TDRD9: variants seen among roughly 807,000 people sequenced by gnomAD.
TDRD9 encodes ATP-dependent RNA helicase TDRD9.
Under a neutral mutation model 172.6 loss-of-function variants are expected in TDRD9, and 124 were observed. The ratio of observed to expected loss-of-function variants is 0.72; its 90% CI spans 0.62 to 0.83. The LOEUF is 0.83. TDRD9 is among the 40% of genes least tolerant of loss of function. TDRD9 has a pLI of 0.00. For synonymous variants in TDRD9, 619 were observed against 617.1 expected (o/e 1.00, Z -0.05); for missense variants, 1,479 against 1,714.1 (o/e 0.86, Z 2.42).
chr14:104,049,772 C>G, intron 35 of TDRD9, 92 bp downstream of exon 35: 1 of 1,139,240 alleles, frequency 8.8e-7, no homozygotes. Flanking sequence ...CAGGGCTGGC[C>G]GAGGGTCTGA....
intron 34 of TDRD9, among the ~76,000 whole-genome samples, chr14:104,046,359 A>G (rs2035776335): frequency 6.6e-6 from 1 of 152,100 alleles, no homozygotes; most frequent in African/African-American, 2.4e-5. Flanking sequence ...GTAATTTTTT[A>G]TGTTTAGGTT....
intron 3 of TDRD9, among the ~76,000 whole-genome samples, chr14:103,965,063 T>C (rs1308655023): frequency 6.6e-6 from 1 of 151,834 alleles, no homozygotes. Flanking sequence ...AATACAAAAA[T>C]TAGCTGGGTG....
chr14:103,936,321 GGCTC>G (rs1168399467), intron 1 of TDRD9, among the ~76,000 whole-genome samples: 1 of 152,112 alleles, frequency 6.6e-6, no homozygotes, highest in Non-Finnish European at 1.5e-5. Context: ...CAAATTCCTG[GGCTC>G]AAGTGATCTT....
chr14:104,016,892 G>A (rs189741975), intron 22 of TDRD9, among the ~76,000 whole-genome samples: 2 of 152,272 alleles, frequency 1.3e-5, no homozygotes, highest in East Asian at 3.9e-4. Flanking sequence ...GAAATAAATA[G>A]CTCATAAGGA....
intron 23 of TDRD9, among the ~76,000 whole-genome samples, chr14:104,019,159 G>A (rs1034202866): frequency 6.6e-6 from 1 of 152,224 alleles, no homozygotes; most frequent in Non-Finnish European, 1.5e-5. Flanking sequence ...GAATCACACA[G>A]CTAAACTCAT....
At chr14:103,947,003 C>T (rs1465788464) in intron 1 of TDRD9, among the ~76,000 whole-genome samples, 1 of 150,630 alleles carries the variant, frequency 6.6e-6, no homozygotes, top group Non-Finnish European at 1.5e-5. Context: ...TGCCAAAATC[C>T]TAATGACTTT....
intron 32 of TDRD9, 33 bp downstream of exon 32, chr14:104,035,089 A>C (rs1253352224): frequency 2.6e-6 from 4 of 1,525,952 alleles, no homozygotes; most frequent in Non-Finnish European, 3.6e-6. Flanking sequence ...TAGGCTTTGT[A>C]AAATAAGAAC....
chr14:103,973,732 C>T (rs1302916797), intron 6 of TDRD9, among the ~76,000 whole-genome samples: 1 of 152,178 alleles, frequency 6.6e-6, no homozygotes, highest in African/African-American at 2.4e-5. Context: ...GGGTGTGTCC[C>T]TTAGGAGCCT....
In TDRD9 at chr14:104,033,962, G is replaced by A. The variant is rs1046782858; in HGVS notation, c.3512G>A (p.Cys1171Tyr). 6.5e-7 allele frequency: 1 copy of A among 1,546,374 alleles called. No homozygotes were observed. The highest frequency in any genetic ancestry group is 1.4e-5 in the African/African-American group (1 of 73,052). ...HSLTRISKFRCVWIEKESINS... is the reference protein window; with the variant it reads ...HSLTRISKFRYVWIEKESINS... ...CTCCTGGTGCTCCTGCCTTTTAGGTGTGTTTGGATTGAGAAGGAGAGCATC... is the reference window on the plus strand; with the variant it reads ...CTCCTGGTGCTCCTGCCTTTTAGGTATGTTTGGATTGAGAAGGAGAGCATC... The change falls in exon 31 of 36, where the codon TGT (cysteine) becomes TAT (tyrosine). Residue 1171 changes from cysteine (C) to tyrosine (Y), a missense_variant and splice_region_variant. By Grantham distance (194) the Cys-to-Tyr change is radical (BLOSUM62 -2). Transcript: ENST00000409874.
chr14:104,010,682 T>A (rs1378900310), intron 20 of TDRD9, among the ~76,000 whole-genome samples: 4 of 152,032 alleles, frequency 2.6e-5, no homozygotes. Context: ...CATAAGCCAG[T>A]AACATAGTTA....
At chr14:103,959,454 T>TTG (rs1566740472) in intron 2 of TDRD9, among the ~76,000 whole-genome samples, 1 of 63,002 alleles carries the variant, frequency 1.6e-5, no homozygotes, top group Non-Finnish European at 3.4e-5. Flanking sequence ...GGTCAGGTTA[T>TTG]CGTGTGTGTG....
At chr14:103,953,098 C>T (rs1595908902) in intron 1 of TDRD9, among the ~76,000 whole-genome samples, 1 of 152,142 alleles carries the variant, frequency 6.6e-6, no homozygotes, top group Admixed American at 6.5e-5. Context: ...TCCCCTTCAC[C>T]TGGTCAGAGC....
At chr14:103,951,242 A>G (rs937771948) in intron 1 of TDRD9, among the ~76,000 whole-genome samples, 7 of 152,198 alleles carry the variant, frequency 4.6e-5, no homozygotes. Flanking sequence ...ATTGTTTACT[A>G]CTAGTAAAAA....
chr14:103,978,812 C>A (rs952903566), intron 7 of TDRD9, among the ~76,000 whole-genome samples: 3 of 152,214 alleles, frequency 2.0e-5, no homozygotes, highest in Admixed American at 6.5e-5. Context: ...TAAATTCACA[C>A]ATAATAATTC....
intron 20 of TDRD9, among the ~76,000 whole-genome samples, chr14:104,014,163 A>C (rs2034705018): frequency 6.6e-6 from 1 of 150,788 alleles, no homozygotes. Flanking sequence ...TCGGAGGCAG[A>C]GCTTGCAGTG....
intron 20 of TDRD9, chr14:104,013,836 G>C (rs2034691477): frequency 6.6e-6 from 1 of 152,252 alleles, no homozygotes; most frequent in Non-Finnish European, 1.5e-5. Context: ...CAGCCAAGTT[G>C]GAGCAGGTCA....
chr14:103,956,071 C>T (rs1308561437), intron 2 of TDRD9, among the ~76,000 whole-genome samples: 2 of 97,616 alleles, frequency 2.0e-5, no homozygotes, highest in African/African-American at 9.0e-5. Context: ...ATACGGAGAC[C>T]CTCTCTTTAA....
intron 1 of TDRD9, chr14:103,941,353 G>T: frequency 7.2e-7 from 1 of 1,392,642 alleles, no homozygotes; most frequent in South Asian, 1.3e-5. Context: ...GAGGAACTTG[G>T]ACTTAGCAGT....
chr14:103,950,977 C>T (rs1363436021), intron 1 of TDRD9, among the ~76,000 whole-genome samples: 1 of 152,210 alleles, frequency 6.6e-6, no homozygotes, highest in African/African-American at 2.4e-5. Context: ...TCTTTGTAGC[C>T]AAGGATAATT....
Sources: gnomAD v4.1 joint callset for allele counts (sites outside exome capture counted in the v4.1 genomes callset) on GRCh38, gnomAD v4.1.1 for gene constraint, MANE v1.5 for transcripts, NCBI Gene and HGNC (gene_info 2026-07-23, HGNC 2026-07-21) for gene names.